The following CAMK4 variants were observed in gnomAD, a reference collection of about 807,000 sequenced individuals.
The protein encoded by CAMK4 is calcium/calmodulin-dependent protein kinase type IV.
In CAMK4, 22 loss-of-function variants were observed where a neutral mutation model predicts 44.9. The observed-to-expected ratio is 0.49, with a 90% CI of 0.35 to 0.70. The LOEUF (loss-of-function observed/expected upper bound fraction) is 0.70. Ranked by LOEUF, CAMK4 falls within the 30% of genes least tolerant of loss-of-function variation. The pLI, the probability that CAMK4 is intolerant of heterozygous loss-of-function variation, is 0.01. For missense variants in CAMK4, 498 were observed against 586.8 expected, an observed-to-expected ratio of 0.85 and a Z score of 1.56; for synonymous variants, 218 against 215.4, an observed-to-expected ratio of 1.01 and a Z score of -0.11.
At chr5:111,446,255 T>A (rs938202115) in intron 5 of CAMK4, among the ~76,000 whole-genome samples, 8 of 152,262 alleles carry the variant, frequency 5.3e-5, no homozygotes, top group Non-Finnish European at 1.0e-4. Flanking sequence ...TCTATATGTC[T>A]GCTCAGACAA....
At chr5:111,267,737 A>C (rs1750321692) in intron 1 of CAMK4, among the ~76,000 whole-genome samples, 2 of 149,804 alleles carry the variant, frequency 1.3e-5, no homozygotes, top group Non-Finnish European at 3.0e-5. Flanking sequence ...AAGAATCTTC[A>C]TTCTGAAGGA....
chr5:111,233,391 G>T (rs1036162406), intron 1 of CAMK4, among the ~76,000 whole-genome samples: 3 of 152,144 alleles, frequency 2.0e-5, no homozygotes, highest in African/African-American at 7.2e-5. Context: ...ATGTTGGCTA[G>T]TTCCATTTCT....
intron 1 of CAMK4, among the ~76,000 whole-genome samples, chr5:111,332,304 C>T (rs1381948132): frequency 7.1e-6 from 1 of 141,220 alleles, no homozygotes; most frequent in African/African-American, 2.6e-5. Context: ...TGTTCAATTC[C>T]TATCTATGCG....
intron 1 of CAMK4, among the ~76,000 whole-genome samples, chr5:111,263,789 G>A (rs964399103): frequency 3.3e-5 from 5 of 152,154 alleles, no homozygotes; most frequent in Non-Finnish European, 5.9e-5. Context: ...TGTAAAGGGC[G>A]GAAGCAGTGT....
At chr5:111,325,753 T>C (rs1464878759) in intron 1 of CAMK4, among the ~76,000 whole-genome samples, 1 of 152,074 alleles carries the variant, frequency 6.6e-6, no homozygotes, top group Non-Finnish European at 1.5e-5. Flanking sequence ...TTTGTTTAAG[T>C]TCCTTGTATA....
chr5:111,355,113 A>G (rs1419601530), intron 2 of CAMK4, among the ~76,000 whole-genome samples: 1 of 152,110 alleles, frequency 6.6e-6, no homozygotes, highest in Non-Finnish European at 1.5e-5. Flanking sequence ...CACCAGCTCA[A>G]ATAGACTTTT....
upstream of CAMK4, chr5:111,224,296 T>C (rs1039425879): frequency 9.4e-5 from 76 of 807,856 alleles, no homozygotes; most frequent in Non-Finnish European, 1.7e-5. The surrounding 1 kb of genome is among the most constrained non-coding windows in gnomAD (Gnocchi z 5.7). Flanking sequence ...TCGCGCCCTC[T>C]CGCAGAGGCT....
chr5:111,287,430 T>C (rs1416483101), intron 1 of CAMK4, among the ~76,000 whole-genome samples: 1 of 152,240 alleles, frequency 6.6e-6, no homozygotes, highest in Non-Finnish European at 1.5e-5. Flanking sequence ...AATGCAACTC[T>C]CATAGTTTAT....
intron 5 of CAMK4, among the ~76,000 whole-genome samples, chr5:111,414,365 C>T (rs1289977085): frequency 6.6e-6 from 1 of 152,134 alleles, no homozygotes; most frequent in Admixed American, 6.5e-5. Context: ...CTCTTCTTTC[C>T]CCACTTCTCC....
At chr5:111,244,799 T>G (rs1749159731) in intron 1 of CAMK4, among the ~76,000 whole-genome samples, 1 of 152,062 alleles carries the variant, frequency 6.6e-6, no homozygotes, top group Non-Finnish European at 1.5e-5. Flanking sequence ...AAGTGGAGGC[T>G]GCAGTTAGCC....
chr5:111,409,099 G>C (rs963772448), intron 5 of CAMK4, among the ~76,000 whole-genome samples: 1 of 152,180 alleles, frequency 6.6e-6, no homozygotes, highest in Non-Finnish European at 1.5e-5. Flanking sequence ...GGTGGCCCCT[G>C]CTCACAGCTC....
chr5:111,235,032 T>G (rs1484826179), intron 1 of CAMK4, among the ~76,000 whole-genome samples: 1 of 152,260 alleles, frequency 6.6e-6, no homozygotes, highest in Non-Finnish European at 1.5e-5. Flanking sequence ...CTCCCTATTT[T>G]AGGTCTTTAT....
At chr5:111,310,007 GCTTCTATGTCCTCTTTTCTACAA>G (rs1485242984) in intron 1 of CAMK4, among the ~76,000 whole-genome samples, 1 of 152,132 alleles carries the variant, frequency 6.6e-6, no homozygotes, top group East Asian at 1.9e-4. Context: ...CAGGGTTCAG[GCTTCTATGTCCTCTTTTCTACAA>G]CCTGAGGAGA....
At chr5:111,379,787 T>C (rs936129327) in intron 4 of CAMK4, among the ~76,000 whole-genome samples, 6 of 152,070 alleles carry the variant, frequency 3.9e-5, no homozygotes, top group African/African-American at 1.4e-4. Context: ...TATGAGTCAA[T>C]TATACTCAAA....
At chr5:111,407,501 T>C (rs1752480207) in intron 5 of CAMK4, among the ~76,000 whole-genome samples, 1 of 152,148 alleles carries the variant, frequency 6.6e-6, no homozygotes, top group Admixed American at 6.5e-5. Flanking sequence ...AATCAAGCTG[T>C]AAGGAAATAA....
intron 5 of CAMK4, among the ~76,000 whole-genome samples, chr5:111,419,233 A>C (rs563954536): frequency 6.6e-6 from 1 of 152,266 alleles, no homozygotes; most frequent in African/African-American, 2.4e-5. Context: ...TGGCTGCATA[A>C]ATATCTTCTT....
At chr5:111,452,962 AGT>A (rs925878970) in intron 7 of CAMK4, among the ~76,000 whole-genome samples, 22 of 151,800 alleles carry the variant, frequency 1.4e-4, no homozygotes, top group African/African-American at 4.9e-4. Context: ...GGAAAATAAA[AGT>A]GTTTTTTTGG....
At chr5:111,418,094 G>T (rs1418803114) in intron 5 of CAMK4, among the ~76,000 whole-genome samples, 2 of 151,962 alleles carry the variant, frequency 1.3e-5, no homozygotes, top group Non-Finnish European at 2.9e-5. Flanking sequence ...ATTCACGTAG[G>T]TTCTTTTCTG....
At chr5:111,462,184 C>T (rs139693280) in intron 7 of CAMK4, among the ~76,000 whole-genome samples, 79 of 152,270 alleles carry the variant, frequency 5.2e-4, no homozygotes, top group Non-Finnish European at 9.9e-4. Flanking sequence ...CAACCTCTTC[C>T]CCATTTGCCT....
Sources: gnomAD v4.1 joint callset for allele counts (sites outside exome capture counted in the v4.1 genomes callset) on GRCh38, gnomAD v4.1.1 for gene constraint, Gnocchi (gnomAD v3.1) non-coding constraint, MANE v1.5 for transcripts, NCBI Gene and HGNC (gene_info 2026-07-23, HGNC 2026-07-21) for gene names.